The following ARID1B variants were observed in gnomAD, a reference collection of about 807,000 sequenced individuals.
ARID1B encodes AT-rich interactive domain-containing protein 1B.
Under a neutral mutation model 212.3 loss-of-function variants are expected in ARID1B, and 30 were observed. The ratio of observed to expected loss-of-function variants is 0.14; its 90% CI spans 0.11 to 0.19. The LOEUF is 0.19. ARID1B is among the 10% of genes least tolerant of loss of function. ARID1B has a pLI of 1.00. For synonymous variants in ARID1B, 1,402 were observed against 1,301.7 expected (o/e 1.08, Z -1.66); for missense variants, 2,891 against 3,204.0 (o/e 0.90, Z 2.36).
In ARID1B at chr6:157,094,180, C is replaced by T. The variant is rs976197104; in HGVS notation, c.2491+9275C>T. 5.9e-5 allele frequency among the ~76,000 whole-genome samples: 9 copies of T among 152,072 alleles called. No homozygotes were observed. Among genetic ancestry groups the T allele is most frequent in the Non-Finnish European group, 8.8e-5 (6 of 68,018 alleles). Reference sequence around the variant, plus strand: ...TGGGAAAGGAGATCCAGGCAGAGAACGGAGCAAACTCAAAGGCCCTGAGTT... The same window carrying T: ...TGGGAAAGGAGATCCAGGCAGAGAATGGAGCAAACTCAAAGGCCCTGAGTT... On this transcript the variant is annotated intron_variant, in intron 5 of 19. Coordinates refer to ENST00000636930, the MANE Select transcript of ARID1B (RefSeq NM_001374828.1). This position sits in a 1 kb window ranked among gnomAD's most constrained non-coding sequence, Gnocchi z 4.3.
chr6:157,143,488 G>A (rs558035501), intron 7 of ARID1B, among the ~76,000 whole-genome samples: 2 of 91,248 alleles, frequency 2.2e-5, no homozygotes, highest in East Asian at 2.9e-4. Context: ...TTAAAAGATG[G>A]GGGGGGTGAT....
At chr6:156,837,189 C>T (rs1783570882) in intron 2 of ARID1B, among the ~76,000 whole-genome samples, 1 of 152,110 alleles carries the variant, frequency 6.6e-6, no homozygotes, top group South Asian at 2.1e-4. Context: ...TCATGTAAGT[C>T]TTTGTTCTGC....
Position 156,778,958 on chromosome 6 carries a change from C to T in ARID1B, c.1278C>T (p.Ala426=). 1 of 1,272,684 alleles carries T rather than the reference C, an allele frequency of 7.9e-7. No homozygotes were observed. The highest frequency in any genetic ancestry group is 9.8e-7 in the Non-Finnish European group (1 of 1,018,244). The allele number at this position is 1,272,684 out of a possible 1,614,324, so 78.8% of individuals were successfully genotyped here. The change falls in exon 1 of 20, where the codon GCC becomes GCT. Residue 426 remains alanine, a synonymous_variant. Transcript: ENST00000636930. ...GAGAGAVAAA[A]AAAAAAAGGG... Reference sequence around the variant, plus strand: ...GAGCGGGAGCTGTGGCGGCGGCGGCCGCGGCGGCGGCGGCAGCAGCAGGAG... The same window carrying T: ...GAGCGGGAGCTGTGGCGGCGGCGGCTGCGGCGGCGGCGGCAGCAGCAGGAG...
At chr6:157,108,644 G>C (rs1291786841) in intron 5 of ARID1B, among the ~76,000 whole-genome samples, 1 of 152,156 alleles carries the variant, frequency 6.6e-6, no homozygotes, top group Non-Finnish European at 1.5e-5. Context: ...TAGCCAAGTC[G>C]GTGACCAGTA....
intron 4 of ARID1B, among the ~76,000 whole-genome samples, chr6:157,029,314 C>A (rs878903071): frequency 6.6e-6 from 1 of 152,212 alleles, no homozygotes; most frequent in Admixed American, 6.5e-5. Flanking sequence ...CTTGTTATAT[C>A]CCCACCTGTG....
At chr6:157,021,221 T>C (rs1389278070) in intron 4 of ARID1B, among the ~76,000 whole-genome samples, 1 of 152,194 alleles carries the variant, frequency 6.6e-6, no homozygotes, top group Admixed American at 6.5e-5. Context: ...ACACCTCGCC[T>C]TGGTTTCTTT....
intron 2 of ARID1B, among the ~76,000 whole-genome samples, chr6:156,879,138 C>G (rs918129455): frequency 1.3e-5 from 2 of 152,192 alleles, no homozygotes; most frequent in Non-Finnish European, 2.9e-5. Flanking sequence ...GAGGAGTGTT[C>G]GCATCATACC....
intron 8 of ARID1B, among the ~76,000 whole-genome samples, chr6:157,161,873 G>A (rs1175390540): frequency 6.6e-6 from 1 of 152,156 alleles, no homozygotes; most frequent in African/African-American, 2.4e-5. Context: ...GTGACAGTCC[G>A]TATAGAGAAA....
chr6:157,113,535 C>T (rs920898122), intron 6 of ARID1B, among the ~76,000 whole-genome samples: 5 of 152,004 alleles, frequency 3.3e-5, no homozygotes, highest in Admixed American at 6.6e-5. Context: ...AGGAAGAGAG[C>T]GAAAGGGGAG....
intron 9 of ARID1B, 101 bp from the exon 10 acceptor site, chr6:157,173,907 A>G: frequency 3.1e-6 from 3 of 955,826 alleles, no homozygotes; most frequent in Non-Finnish European, 4.8e-6. Flanking sequence ...TTCAAGGGAA[A>G]TGCAAGGGCC....
At chr6:156,877,403 C>T (rs1786647944) in intron 2 of ARID1B, among the ~76,000 whole-genome samples, 1 of 152,170 alleles carries the variant, frequency 6.6e-6, no homozygotes, top group South Asian at 2.1e-4. Context: ...GTACTGTTGC[C>T]TGTGGACCCG....
chr6:157,205,996 G>T, intron 19 of ARID1B, 171 bp from the exon 20 acceptor site: 1 of 725,872 alleles, frequency 1.4e-6, no homozygotes, highest in East Asian at 2.5e-5. Flanking sequence ...CAGGAAGTTC[G>T]CTGGACCTGA....
chr6:157,006,435 A>G (rs1779255087), intron 4 of ARID1B, among the ~76,000 whole-genome samples: 1 of 152,204 alleles, frequency 6.6e-6, no homozygotes, highest in African/African-American at 2.4e-5. Context: ...TTGAAATTAT[A>G]TTGTTTTATA....
chr6:157,187,224 A>C (rs578089934), intron 13 of ARID1B, among the ~76,000 whole-genome samples: 28 of 152,248 alleles, frequency 1.8e-4, no homozygotes, highest in Non-Finnish European at 3.4e-4. Context: ...AGGGGAATGG[A>C]AGGGACCAGG....
intron 4 of ARID1B, among the ~76,000 whole-genome samples, chr6:157,044,734 C>A (rs1348715275): frequency 1.3e-5 from 2 of 152,150 alleles, no homozygotes; most frequent in Non-Finnish European, 2.9e-5. Context: ...AGTGTGGCAG[C>A]CACCAGCCAT....
intron 4 of ARID1B, among the ~76,000 whole-genome samples, chr6:157,067,620 ATATT>A (rs1562591471): frequency 6.6e-6 from 1 of 152,084 alleles, no homozygotes; most frequent in African/African-American, 2.4e-5. Flanking sequence ...ATTTTCAATA[ATATT>A]TATTATTTGC....
chr6:156,917,224 C>A (rs1328162894), intron 3 of ARID1B, among the ~76,000 whole-genome samples: 2 of 152,112 alleles, frequency 1.3e-5, no homozygotes, highest in African/African-American at 4.8e-5. Flanking sequence ...CGTATAGTTT[C>A]TCTTCAAGTT....
At position 156,804,867 on chromosome 6, in the gene ARID1B, CAAAAAAAAAAAAA is replaced by C. The variant is rs61315445; in HGVS notation, c.1792-24350_1792-24338del. On this transcript the variant is annotated intron_variant, in intron 1 of 19. Coordinates refer to ENST00000636930, the MANE Select transcript of ARID1B (RefSeq NM_001374828.1). ...ACTAAGAGAGATGTGATCTGATTGGCAAAAAAAAAAAAAAAAAAAAAAGAAATTGGCCCTTTTT... is the reference window on the plus strand; with the variant it reads ...ACTAAGAGAGATGTGATCTGATTGGCAAAAAAAAAGAAATTGGCCCTTTTT... Among the ~76,000 whole-genome samples the C allele has an allele frequency of 3.5e-5, 3 of 85,118 alleles. No homozygotes were observed. In the Admixed American group the frequency reaches 4.2e-4, roughly 12 times the overall value. 55.8% of individuals were successfully genotyped at this position (85,118 alleles called of 152,430 possible). A position where few individuals can be genotyped will look rare whatever the true frequency, so the allele number is the denominator to read the frequency against.
rs143030031 is a variant in ARID1B, at chr6:157,041,797, C to T, written c.2248-42865C>T. Among the ~76,000 whole-genome samples the T allele has an allele frequency of 8.6e-4, 131 of 152,148 alleles. 2 individuals are homozygous for T. In the East Asian group the frequency reaches 0.019, roughly 22 times the overall value. ...CACTGATGGAACTGATAGGGTGTACCCTGTACCCGCCTCTCAGTCTTTACT... is the reference window on the plus strand; with the variant it reads ...CACTGATGGAACTGATAGGGTGTACTCTGTACCCGCCTCTCAGTCTTTACT... On this transcript the variant is annotated intron_variant, in intron 4 of 19. Coordinates refer to ENST00000636930, the MANE Select transcript of ARID1B (RefSeq NM_001374828.1).
Sources: gnomAD v4.1 joint callset for allele counts (sites outside exome capture counted in the v4.1 genomes callset) on GRCh38, gnomAD v4.1.1 for gene constraint, Gnocchi (gnomAD v3.1) non-coding constraint, MANE v1.5 for transcripts, NCBI Gene and HGNC (gene_info 2026-07-23, HGNC 2026-07-21) for gene names.